Variants in PCDH15 observed in about 807,000 individuals in gnomAD.
The protein encoded by PCDH15 is protocadherin-15.
Under a neutral mutation model 178.5 loss-of-function variants are expected in PCDH15, and 129 were observed. That is an observed-to-expected ratio of 0.72 (90% CI 0.63 to 0.84). The LOEUF (loss-of-function observed/expected upper bound fraction) is 0.84, where lower values mean the gene tolerates loss of function less well. PCDH15 is among the 40% of genes least tolerant of loss of function. PCDH15 has a pLI of 0.00. For missense variants in PCDH15, 2,230 were observed against 2,099.9 expected, an observed-to-expected ratio of 1.06 and a Z score of -1.21; for synonymous variants, 800 against 732.0, an observed-to-expected ratio of 1.09 and a Z score of -1.50.
chr10:55,479,513 T>A (rs10763208), intron 2 of PCDH15, among the ~76,000 whole-genome samples: 62,784 of 151,184 alleles, frequency 0.42, 13,716 homozygotes, highest in East Asian at 0.81. Flanking sequence ...GAGGAACATA[T>A]CTCAGCACAA....
chr10:54,169,743 C>T (rs370329603), intron 13 of PCDH15, among the ~76,000 whole-genome samples: 1,722 of 151,332 alleles, frequency 0.011, 27 homozygotes, highest in African/African-American at 0.039. Flanking sequence ...TCAACGCCGA[C>T]ATCCCATCCC....
intron 1 of PCDH15, among the ~76,000 whole-genome samples, chr10:54,718,170 G>T (rs2095504075): frequency 6.7e-6 from 1 of 150,010 alleles, no homozygotes; most frequent in African/African-American, 2.5e-5. Flanking sequence ...TAGGTGACGA[G>T]TTAGTGGGTG....
At chr10:53,858,157 T>G (rs2078878669) in intron 27 of PCDH15, among the ~76,000 whole-genome samples, 1 of 152,152 alleles carries the variant, frequency 6.6e-6, no homozygotes, top group Non-Finnish European at 1.5e-5. Context: ...GCACATACAT[T>G]TATACACTAT....
Position 54,301,120 on chromosome 10 carries a change from A to G in PCDH15, c.876+16151T>C, listed in dbSNP as rs1249798275. Among the ~76,000 whole-genome samples, 4 of 124,518 alleles carry G rather than the reference A, an allele frequency of 3.2e-5. No individual in the cohort carries two copies. The East Asian group carries it at 8.1e-4, about 25-fold the overall frequency. The allele number at this position is 124,518 out of a possible 152,430, so 81.7% of individuals were successfully genotyped here. On this transcript the variant is annotated intron_variant, in intron 8 of 37. Transcript: ENST00000644397. ...ATCCAAAGGAAGAAACTCCAGACAG[A>G]CCATCTTTAAGAGCTGTAACACTCA...
At chr10:55,444,202 G>A (rs760940446) in intron 2 of PCDH15, among the ~76,000 whole-genome samples, 1 of 151,452 alleles carries the variant, frequency 6.6e-6, no homozygotes, top group Non-Finnish European at 1.5e-5. Context: ...GTGGATGGGT[G>A]CAGCAAACCA....
chr10:55,594,144 G>C (rs924617337), intron 2 of PCDH15, among the ~76,000 whole-genome samples: 1 of 151,806 alleles, frequency 6.6e-6, no homozygotes, highest in Non-Finnish European at 1.5e-5. Context: ...ATAATAATGA[G>C]CAAATTTATG....
chr10:55,305,542 A>G (rs1458681733), intron 1 of PCDH15, among the ~76,000 whole-genome samples: 1 of 152,204 alleles, frequency 6.6e-6, no homozygotes, highest in Non-Finnish European at 1.5e-5. Flanking sequence ...AGAAAGAGAA[A>G]CAAAGAATGG....
At chr10:54,262,501 G>A (rs1215178184) in intron 8 of PCDH15, among the ~76,000 whole-genome samples, 1 of 152,066 alleles carries the variant, frequency 6.6e-6, no homozygotes, top group East Asian at 1.9e-4. Flanking sequence ...TCACCACCCT[G>A]TCCCCAAATC....
At chr10:54,571,505 C>A (rs2089837333) in intron 2 of PCDH15, among the ~76,000 whole-genome samples, 1 of 151,980 alleles carries the variant, frequency 6.6e-6, no homozygotes, top group Admixed American at 6.6e-5. Flanking sequence ...CTCATTAGAA[C>A]ACAATTATAA....
chr10:54,781,878 A>G (rs939532972), intron 1 of PCDH15, among the ~76,000 whole-genome samples: 4 of 152,192 alleles, frequency 2.6e-5, no homozygotes, highest in African/African-American at 9.6e-5. Context: ...ATTACCTAAC[A>G]GCTGGTACTA....
chr10:55,467,835 G>A (rs1839864902), intron 2 of PCDH15, among the ~76,000 whole-genome samples: 2 of 151,094 alleles, frequency 1.3e-5, no homozygotes, highest in South Asian at 2.1e-4. Flanking sequence ...AAGTGGAGGC[G>A]GGCACCTGTA....
chr10:53,984,591 A>G (rs2090966727), intron 21 of PCDH15, among the ~76,000 whole-genome samples: 1 of 152,204 alleles, frequency 6.6e-6, no homozygotes, highest in Non-Finnish European at 1.5e-5. Flanking sequence ...ACAAACATAT[A>G]GTAAATCTTG....
At chr10:54,534,348 A>C (rs2084254489) in intron 2 of PCDH15, among the ~76,000 whole-genome samples, 1 of 152,158 alleles carries the variant, frequency 6.6e-6, no homozygotes, top group African/African-American at 2.4e-5. Flanking sequence ...CTGTAGGGAC[A>C]AAAATTTGCT....
intron 1 of PCDH15, among the ~76,000 whole-genome samples, chr10:54,706,363 T>A (rs1480752009): frequency 6.6e-6 from 1 of 151,940 alleles, no homozygotes; most frequent in African/African-American, 2.4e-5. Flanking sequence ...TAAAAATGAG[T>A]GTATTGGGTT....
chr10:54,709,171 A>T (rs2095400769), intron 1 of PCDH15, among the ~76,000 whole-genome samples: 1 of 152,144 alleles, frequency 6.6e-6, no homozygotes, highest in African/African-American at 2.4e-5. Flanking sequence ...CCTCCCTCTG[A>T]TAAGAAATCA....
At chr10:54,483,907 A>G (rs923836929) in intron 3 of PCDH15, among the ~76,000 whole-genome samples, 3 of 151,896 alleles carry the variant, frequency 2.0e-5, no homozygotes, top group African/African-American at 7.2e-5. Context: ...TCAGTGATGC[A>G]CTTAGTAATT....
At chr10:55,198,483 T>C (rs568925209) in intron 1 of PCDH15, among the ~76,000 whole-genome samples, 25 of 152,100 alleles carry the variant, frequency 1.6e-4, no homozygotes, top group Admixed American at 1.4e-3. Flanking sequence ...AAATAAGTTA[T>C]TTATTTATTT....
intron 6 of PCDH15, among the ~76,000 whole-genome samples, chr10:54,329,931 T>A (rs970925508): frequency 6.6e-6 from 1 of 151,802 alleles, no homozygotes; most frequent in African/African-American, 2.4e-5. Flanking sequence ...AGAAAATTTG[T>A]TTCTTGTCAT....
intron 1 of PCDH15, among the ~76,000 whole-genome samples, chr10:55,238,472 C>T (rs1264993053): frequency 6.6e-6 from 1 of 151,934 alleles, no homozygotes; most frequent in African/African-American, 2.4e-5. Flanking sequence ...TCTTAAGGAC[C>T]ATATCCAATA....
Sources: allele counts gnomAD v4.1 joint callset (sites outside exome capture counted in the v4.1 genomes callset), GRCh38; gene constraint gnomAD v4.1.1; transcripts MANE v1.5; gene names NCBI Gene and HGNC (gene_info 2026-07-23, HGNC 2026-07-21).